RGS17: variants seen among roughly 807,000 people sequenced by gnomAD.
RGS17 encodes regulator of G-protein signaling 17.
In RGS17, 12 loss-of-function variants were observed where a neutral mutation model predicts 25.5. The observed-to-expected ratio is 0.47, with a 90% CI of 0.30 to 0.76. RGS17 has a LOEUF of 0.76. RGS17 is among the 30% of genes least tolerant of loss of function. RGS17 has a pLI of 0.07. For synonymous variants in RGS17, 71 were observed against 76.9 expected, an observed-to-expected ratio of 0.92 and a Z score of 0.40; for missense variants, 196 against 242.2, an observed-to-expected ratio of 0.81 and a Z score of 1.27.
intron 1 of RGS17, among the ~76,000 whole-genome samples, chr6:153,081,631 TC>T (rs56332451): frequency 0.98 from 148,991 of 151,952 alleles, 73,056 homozygotes; most frequent in East Asian, 1. Flanking sequence ...CTTCTTTTTT[TC>T]CCCCTCTTTT....
intron 1 of RGS17, among the ~76,000 whole-genome samples, chr6:153,076,153 A>G (rs1584145975): frequency 6.6e-6 from 1 of 152,202 alleles, no homozygotes; most frequent in East Asian, 1.9e-4. Context: ...GGCAAATTTT[A>G]AACATTACAC....
chr6:153,098,112 C>G (rs1467564857), intron 1 of RGS17, among the ~76,000 whole-genome samples: 3 of 151,930 alleles, frequency 2.0e-5, no homozygotes, highest in African/African-American at 7.3e-5. Flanking sequence ...AAGGAGTATC[C>G]AGAAAAGAGG....
At chr6:153,100,198 G>A (rs945037455) in intron 1 of RGS17, among the ~76,000 whole-genome samples, 3 of 152,108 alleles carry the variant, frequency 2.0e-5, no homozygotes, top group Non-Finnish European at 2.9e-5. Context: ...AATTTATGTA[G>A]TTAAAGACCA....
intron 1 of RGS17, among the ~76,000 whole-genome samples, chr6:153,110,692 T>A (rs1777457042): frequency 6.6e-6 from 1 of 152,096 alleles, no homozygotes; most frequent in Admixed American, 6.5e-5. Flanking sequence ...CACAGTGAGA[T>A]CAACGCAGAA....
intron 1 of RGS17, among the ~76,000 whole-genome samples, chr6:153,128,833 T>G (rs908967966): frequency 2.0e-5 from 3 of 152,106 alleles, no homozygotes; most frequent in African/African-American, 7.2e-5. Context: ...AAGAGATACC[T>G]ATTTGAGAAG....
chr6:153,029,248 T>C lies in RGS17; in HGVS notation c.120-2705A>G, dbSNP rs73008595. ...AATTGAACTTTGGCAACAGACAAAT[T>C]GTCCTTTTTATTAACTGTCCTTTAC... is the stretch of plus-strand genomic sequence containing the variant. On this transcript the variant is annotated intron_variant, in intron 2 of 4. Transcript: ENST00000206262. 9.4e-4 allele frequency among the ~76,000 whole-genome samples: 143 copies of C among 152,362 alleles called. 1 individual carries two copies. The highest frequency in any genetic ancestry group is 2.9e-3 in the South Asian group (14 of 4,830).
chr6:153,064,975 A>G (rs960660382), intron 1 of RGS17, among the ~76,000 whole-genome samples: 3 of 152,200 alleles, frequency 2.0e-5, no homozygotes, highest in Non-Finnish European at 4.4e-5. Context: ...TCGAATGTAA[A>G]GGGACTAAAC....
intron 1 of RGS17, among the ~76,000 whole-genome samples, chr6:153,123,054 G>C (rs1277803646): frequency 2.0e-5 from 3 of 151,750 alleles, no homozygotes; most frequent in Non-Finnish European, 4.4e-5. Flanking sequence ...GTAAATTGGA[G>C]TATTTAATAC....
chr6:153,026,796 T>A (rs1482617684), intron 2 of RGS17, among the ~76,000 whole-genome samples: 1 of 152,148 alleles, frequency 6.6e-6, no homozygotes, highest in African/African-American at 2.4e-5. Context: ...TCTGACTTCA[T>A]CCTTACATAA....
rs1431527055 is a variant in RGS17 at position 153,010,313 on chromosome 6, G to A, written c.*1261C>T. 1 of 151,900 alleles carries A rather than the reference G, an allele frequency of 6.6e-6. No individual in the cohort carries two copies. The highest frequency in any genetic ancestry group is 1.5e-5 in the Non-Finnish European group (1 of 67,844). The allele number at this position is 151,900 out of a possible 1,614,324, so 9.4% of individuals were successfully genotyped here. The stretch of plus-strand genomic sequence containing the variant: ...AGGTCAGAAGTACATGACAATGTCA[G>A]GCAAGTGTTTTGTCGTAAAGATTTA... On this transcript the variant is annotated 3_prime_UTR_variant, in exon 5 of 5. Transcript: ENST00000206262.
intron 2 of RGS17, 22 bp downstream of exon 2, chr6:153,043,878 T>A: frequency 6.7e-7 from 1 of 1,498,198 alleles, no homozygotes; most frequent in Non-Finnish European, 9.2e-7. Flanking sequence ...GGGTGTGGCA[T>A]CCTACAGGTA....
intron 4 of RGS17, among the ~76,000 whole-genome samples, chr6:153,016,953 T>C (rs913425693): frequency 4.6e-5 from 7 of 152,120 alleles, no homozygotes; most frequent in African/African-American, 1.2e-4. Context: ...CTGGGCTCCA[T>C]TGCATGAGGG....
intron 1 of RGS17, among the ~76,000 whole-genome samples, chr6:153,076,579 C>A (rs987679224): frequency 6.6e-6 from 1 of 152,074 alleles, no homozygotes; most frequent in Non-Finnish European, 1.5e-5. Flanking sequence ...AGGTCTGACA[C>A]AGAAAAATCC....
chr6:153,069,575 A>T (rs1453517806), intron 1 of RGS17, among the ~76,000 whole-genome samples: 2 of 152,166 alleles, frequency 1.3e-5, no homozygotes, highest in African/African-American at 2.4e-5. Context: ...TGTAGTTAAT[A>T]ATAACTTAAT....
chr6:153,052,663 A>T (rs1023517970), intron 1 of RGS17, among the ~76,000 whole-genome samples: 2 of 152,130 alleles, frequency 1.3e-5, no homozygotes, highest in Admixed American at 6.5e-5. Context: ...CAGACTTGAG[A>T]ACCAATGCTA....
chr6:153,040,032 G>A (rs1776302276), intron 2 of RGS17, among the ~76,000 whole-genome samples: 1 of 122,904 alleles, frequency 8.1e-6, no homozygotes, highest in Non-Finnish European at 1.7e-5. Flanking sequence ...CCCTAGCTTG[G>A]TCCCATGAAT....
intron 2 of RGS17, among the ~76,000 whole-genome samples, chr6:153,027,346 C>T (rs969813890): frequency 2.6e-5 from 4 of 152,006 alleles, no homozygotes; most frequent in Non-Finnish European, 5.9e-5. Flanking sequence ...GGGCAAAACA[C>T]CGAAAACTCT....
At chr6:153,064,629 C>CA (rs150796540) in intron 1 of RGS17, among the ~76,000 whole-genome samples, 34,513 of 140,648 alleles carry the variant, frequency 0.25, 4,174 homozygotes, top group African/African-American at 0.29. Context: ...GACTACATCT[C>CA]AAAAAAAAAA....
intron 2 of RGS17, among the ~76,000 whole-genome samples, chr6:153,026,969 G>A (rs78723403): frequency 6.6e-5 from 10 of 152,068 alleles, no homozygotes; most frequent in Admixed American, 2.0e-4. Context: ...AATTTTCCCC[G>A]ATTGAGAGCT....
Sources: allele counts gnomAD v4.1 joint callset (sites outside exome capture counted in the v4.1 genomes callset), GRCh38; gene constraint gnomAD v4.1.1; transcripts MANE v1.5; gene names NCBI Gene and HGNC (gene_info 2026-07-23, HGNC 2026-07-21).